The following EYA1 variants were observed in gnomAD, a reference collection of about 807,000 sequenced individuals.
The protein encoded by EYA1 is EYA transcriptional coactivator and phosphatase 1.
EYA1 carries 16 observed loss-of-function variants against 82.0 expected under a neutral mutation model. That is an observed-to-expected ratio of 0.20 (90% confidence interval 0.13 to 0.30). The LOEUF is 0.30. EYA1 is among the 10% of genes least tolerant of loss of function. EYA1 has a pLI of 1.00. For missense variants in EYA1, 633 were observed against 730.7 expected (o/e 0.87, Z 1.54); for synonymous variants, 261 against 264.4 (o/e 0.99, Z 0.12).
intron 2 of EYA1, among the ~76,000 whole-genome samples, chr8:71,485,504 A>C (rs1359581991): frequency 6.6e-6 from 1 of 152,200 alleles, no homozygotes; most frequent in Non-Finnish European, 1.5e-5. Context: ...TCATGTAAAA[A>C]GAACGGTTAG....
intron 9 of EYA1, among the ~76,000 whole-genome samples, chr8:71,292,117 T>C (rs549261663): frequency 6.6e-6 from 1 of 152,138 alleles, no homozygotes; most frequent in Non-Finnish European, 1.5e-5. Context: ...ACAATTTTCT[T>C]CGTAATAATA....
chr8:71,232,995 T>G (rs766713653), intron 12 of EYA1, among the ~76,000 whole-genome samples: 1 of 152,180 alleles, frequency 6.6e-6, no homozygotes, highest in Non-Finnish European at 1.5e-5. Context: ...GTTTTACAGA[T>G]GGGAAATTGA....
At chr8:71,406,683 C>T (rs1830255195) in intron 2 of EYA1, among the ~76,000 whole-genome samples, 3 of 152,166 alleles carry the variant, frequency 2.0e-5, no homozygotes, top group South Asian at 2.1e-4. Context: ...AAAAACCGCT[C>T]ACCAGGAGAT....
intron 3 of EYA1, among the ~76,000 whole-genome samples, chr8:71,334,960 C>T (rs1824314519): frequency 6.6e-6 from 1 of 152,144 alleles, no homozygotes; most frequent in African/African-American, 2.4e-5. Context: ...TGTTATTGTT[C>T]CCCTACCAAA....
intron 4 of EYA1, among the ~76,000 whole-genome samples, chr8:71,327,511 TTAAAG>T (rs1371146673): frequency 2.0e-5 from 3 of 152,212 alleles, no homozygotes; most frequent in African/African-American, 7.2e-5. Context: ...ATTTAAATCA[TTAAAG>T]TATTGTTTTT....
intron 12 of EYA1, among the ~76,000 whole-genome samples, chr8:71,218,074 G>T (rs908212948): frequency 2.6e-5 from 4 of 152,112 alleles, no homozygotes; most frequent in Admixed American, 6.5e-5. Context: ...TCCTCTCTTT[G>T]CAGTCAGGCT....
In EYA1 at chr8:71,490,243, T is replaced by C. The variant is rs149469030; in HGVS notation, c.33+45501A>G. Among the ~76,000 whole-genome samples, 33 of 152,300 alleles carry C rather than the reference T, an allele frequency of 2.2e-4. No individual in the cohort carries two copies. The East Asian group carries it at 5.2e-3, about 24-fold the overall frequency. On this transcript the variant is annotated intron_variant, in intron 2 of 18. Coordinates refer to the EYA1 transcript ENST00000643681. ...TTTAGTACATAATAATGCCTTAACT[T>C]TTGAGAAGATGGTTGCCATTTTTGC...
chr8:71,375,964 C>T (rs889233138), intron 2 of EYA1, among the ~76,000 whole-genome samples: 1 of 152,052 alleles, frequency 6.6e-6, no homozygotes, highest in South Asian at 2.1e-4. Context: ...AAATTATGCA[C>T]ATATAATTTT....
intron 2 of EYA1, among the ~76,000 whole-genome samples, chr8:71,422,350 A>G (rs1418094977): frequency 6.6e-6 from 1 of 152,178 alleles, no homozygotes; most frequent in African/African-American, 2.4e-5. Flanking sequence ...CTCTCCAACA[A>G]CTATTACATT....
At chr8:71,305,609 G>A (rs1820641410) in intron 7 of EYA1, among the ~76,000 whole-genome samples, 1 of 151,902 alleles carries the variant, frequency 6.6e-6, no homozygotes, top group South Asian at 2.1e-4. Context: ...TCATGCTATT[G>A]CGCTCCAGCT....
At chr8:71,296,670 ACATT>A (rs1191886663) in intron 9 of EYA1, among the ~76,000 whole-genome samples, 4 of 151,978 alleles carry the variant, frequency 2.6e-5, no homozygotes, top group African/African-American at 4.8e-5. Context: ...GCAAAAAGAG[ACATT>A]CATTATTTTA....
intron 3 of EYA1, among the ~76,000 whole-genome samples, chr8:71,339,383 G>A (rs1824861881): frequency 6.6e-6 from 1 of 152,108 alleles, no homozygotes; most frequent in Non-Finnish European, 1.5e-5. Context: ...CAGAACAGGT[G>A]CCATACATGC....
At chr8:71,545,531 A>AT (rs1586922253) in intron 1 of EYA1, among the ~76,000 whole-genome samples, 3 of 128,186 alleles carry the variant, frequency 2.3e-5, no homozygotes, top group Non-Finnish European at 5.1e-5. Flanking sequence ...CCACTATTAG[A>AT]TTTTTTTCAT....
At chr8:71,475,245 G>A (rs1460555018) in intron 2 of EYA1, among the ~76,000 whole-genome samples, 1 of 152,208 alleles carries the variant, frequency 6.6e-6, no homozygotes, top group African/African-American at 2.4e-5. Context: ...TGTAGCTAGG[G>A]TCAAACAGGG....
chr8:71,271,724 C>G, intron 10 of EYA1, 34 bp downstream of exon 10: 2 of 1,613,988 alleles, frequency 1.2e-6, no homozygotes, highest in Non-Finnish European at 1.7e-6. Context: ...ATTAAGACAC[C>G]TTTCTATTCA....
chr8:71,294,816 A>G (rs1722842254), intron 9 of EYA1, among the ~76,000 whole-genome samples: 1 of 152,312 alleles, frequency 6.6e-6, no homozygotes, highest in African/African-American at 2.4e-5. Context: ...GTTGGAAGAC[A>G]GACACTGTCT....
chr8:71,208,384 A>C (rs1221270226), intron 17 of EYA1, among the ~76,000 whole-genome samples: 2 of 152,318 alleles, frequency 1.3e-5, no homozygotes, highest in South Asian at 2.1e-4. Context: ...GTGAGCCGAG[A>C]TCGCGCTACT....
At chr8:71,258,186 C>T (rs2128927345) in intron 11 of EYA1, among the ~76,000 whole-genome samples, 1 of 152,278 alleles carries the variant, frequency 6.6e-6, no homozygotes, top group African/African-American at 2.4e-5. Flanking sequence ...TCCTTGAAGG[C>T]AGAAATTTTG....
At chr8:71,345,916 C>T (rs938718193) in intron 3 of EYA1, among the ~76,000 whole-genome samples, 1 of 152,128 alleles carries the variant, frequency 6.6e-6, no homozygotes, top group Admixed American at 6.5e-5. Context: ...AACTTCATAT[C>T]TGGAGCCCTT....
Sources: gnomAD v4.1 joint callset for allele counts (sites outside exome capture counted in the v4.1 genomes callset) on GRCh38, gnomAD v4.1.1 for gene constraint, MANE v1.5 for transcripts, NCBI Gene and HGNC (gene_info 2026-07-23, HGNC 2026-07-21) for gene names.